The following PCDH15 variants were observed in gnomAD, a reference collection of about 807,000 sequenced individuals.
The protein encoded by PCDH15 is protocadherin-15.
PCDH15 carries 129 observed loss-of-function variants against 178.5 expected under a neutral mutation model. The ratio of observed to expected loss-of-function variants is 0.72; its 90% confidence interval spans 0.63 to 0.84. PCDH15 has a LOEUF of 0.84. Ranked by LOEUF, PCDH15 falls within the 40% of genes least tolerant of loss-of-function variation. PCDH15 has a pLI of 0.00. For missense variants in PCDH15, 2,230 were observed against 2,099.9 expected, an observed-to-expected ratio of 1.06 and a Z score of -1.21; for synonymous variants, 800 against 732.0, an observed-to-expected ratio of 1.09 and a Z score of -1.50.
At chr10:53,835,880 T>C (rs796976816) in intron 29 of PCDH15, among the ~76,000 whole-genome samples, 2 of 152,278 alleles carry the variant, frequency 1.3e-5, no homozygotes, top group African/African-American at 4.8e-5. Flanking sequence ...GTAAGATAGA[T>C]TGGGGGACAA....
At chr10:55,280,444 ATTTTTTTT>A (rs1170034467) in intron 1 of PCDH15, among the ~76,000 whole-genome samples, 4 of 92,082 alleles carry the variant, frequency 4.3e-5, no homozygotes, top group Non-Finnish European at 6.5e-5. Context: ...GCACCCAGCT[ATTTTTTTT>A]TTTTTTTTTT....
intron 8 of PCDH15, among the ~76,000 whole-genome samples, chr10:54,306,463 T>C (rs1044123540): frequency 6.6e-6 from 1 of 151,924 alleles, no homozygotes; most frequent in Non-Finnish European, 1.5e-5. Context: ...TAGGGAGGAA[T>C]TGTCATAGTT....
rs71492621 is a variant in PCDH15, at chr10:54,565,174, T to A, written c.92-37297A>T. On this transcript the variant is annotated intron_variant, in intron 2 of 37. Coordinates refer to ENST00000644397, the MANE Select transcript of PCDH15 (RefSeq NM_001384140.1). ...CTTCCATGTTCCTACAAGGAGAAAA[T>A]GTACCACCTAATATTCAAACATTCC... 7.8e-3 allele frequency among the ~76,000 whole-genome samples: 1,190 copies of A among 152,318 alleles called. 4 individuals are homozygous for A. The highest frequency in any genetic ancestry group is 0.012 in the Non-Finnish European group (800 of 68,030).
intron 2 of PCDH15, among the ~76,000 whole-genome samples, chr10:54,551,726 A>C (rs1465134290): frequency 6.6e-6 from 1 of 152,028 alleles, no homozygotes; most frequent in African/African-American, 2.4e-5. Flanking sequence ...TTTTAAAAGA[A>C]CTTTCATCTC....
At position 54,200,269 on chromosome 10, in the gene PCDH15, CT is replaced by C. The variant is rs11377394; in HGVS notation, c.1099-4381del. Among the ~76,000 whole-genome samples, 165 of 106,074 alleles carry C rather than the reference CT, an allele frequency of 1.6e-3. 1 individual carries two copies. Among genetic ancestry groups the C allele is most frequent in the African/African-American group, 5.1e-3 (140 of 27,464 alleles). 69.6% of individuals were successfully genotyped at this position (106,074 alleles called of 152,430 possible). A position where few individuals can be genotyped will look rare whatever the true frequency, so the allele number is the denominator to read the frequency against. On this transcript the variant is annotated intron_variant, in intron 10 of 37. Coordinates refer to ENST00000644397, the MANE Select transcript of PCDH15 (RefSeq NM_001384140.1). Reference sequence around the variant, plus strand: ...ATTTATTGTGCATCTACAGAGCCCACTTTTTTTTTTTTTTTTTTTTTGTATT... The same window carrying C: ...ATTTATTGTGCATCTACAGAGCCCACTTTTTTTTTTTTTTTTTTTTGTATT...
intron 14 of PCDH15, among the ~76,000 whole-genome samples, chr10:54,150,179 C>G (rs1292162427): frequency 2.0e-5 from 3 of 151,914 alleles, no homozygotes; most frequent in Non-Finnish European, 2.9e-5. Flanking sequence ...TATCATCTGT[C>G]GATGACAGCA....
intron 2 of PCDH15, among the ~76,000 whole-genome samples, chr10:54,615,108 A>G (rs1328934395): frequency 6.6e-6 from 1 of 152,070 alleles, no homozygotes; most frequent in Non-Finnish European, 1.5e-5. Flanking sequence ...AAGTACGCTG[A>G]AAGGTAGCTA....
intron 2 of PCDH15, among the ~76,000 whole-genome samples, chr10:55,140,387 TC>T: frequency 6.6e-6 from 1 of 152,030 alleles, no homozygotes; most frequent in South Asian, 2.1e-4. Context: ...TGGCCAAGGG[TC>T]CCGATTAAGC....
chr10:53,997,199 T>G (rs1420310599), intron 20 of PCDH15, among the ~76,000 whole-genome samples: 1 of 152,188 alleles, frequency 6.6e-6, no homozygotes, highest in Admixed American at 6.5e-5. Flanking sequence ...CCATCTCTTC[T>G]ATGAAAAATA....
chr10:55,489,831 T>A (rs2132126872), intron 2 of PCDH15, among the ~76,000 whole-genome samples: 1 of 151,756 alleles, frequency 6.6e-6, no homozygotes, highest in South Asian at 2.1e-4. Flanking sequence ...TAAACAATTT[T>A]AAAAAACCAA....
intron 3 of PCDH15, among the ~76,000 whole-genome samples, chr10:54,448,100 A>C (rs561713973): frequency 7.2e-5 from 11 of 151,866 alleles, no homozygotes; most frequent in African/African-American, 2.2e-4. Context: ...CTTTAAAAAT[A>C]CTGCTTTGCT....
intron 13 of PCDH15, among the ~76,000 whole-genome samples, chr10:54,164,152 A>G (rs546658280): frequency 6.6e-5 from 10 of 152,332 alleles, no homozygotes; most frequent in African/African-American, 2.4e-4. Context: ...CTATCAGACC[A>G]GATGCAGAAT....
chr10:54,080,996 CATTTT>C (rs796173783), intron 16 of PCDH15, among the ~76,000 whole-genome samples: 1 of 152,242 alleles, frequency 6.6e-6, no homozygotes, highest in East Asian at 1.9e-4. Flanking sequence ...TTACCATTTT[CATTTT>C]GTTTCTTCCC....
intron 1 of PCDH15, among the ~76,000 whole-genome samples, chr10:55,219,880 T>TCACACACACA (rs71461286): frequency 3.7e-4 from 54 of 144,136 alleles, no homozygotes; most frequent in Middle Eastern, 3.6e-3. Flanking sequence ...CTGATATCAG[T>TCACACACACA]CACACACACA....
rs146069516 is a variant in PCDH15, at chr10:55,266,511, G to C, written c.-156+53088C>G. Among the ~76,000 whole-genome samples, 304 of 152,276 alleles carry C rather than the reference G, an allele frequency of 2.0e-3. 1 individual carries two copies. The highest frequency in any genetic ancestry group is 7.0e-3 in the African/African-American group (289 of 41,542). On this transcript the variant is annotated intron_variant, in intron 1 of 5. Transcript: ENST00000458638. ...GCCTGTGCCCATGGACCTAGGTGAGGACAGGCATTTCTGTTTTTGTTCCTA... is the reference window on the plus strand; with the variant it reads ...GCCTGTGCCCATGGACCTAGGTGAGCACAGGCATTTCTGTTTTTGTTCCTA...
chr10:53,986,863 T>G (rs1175465391), intron 21 of PCDH15, among the ~76,000 whole-genome samples: 1 of 152,180 alleles, frequency 6.6e-6, no homozygotes, highest in Non-Finnish European at 1.5e-5. Context: ...GTTTTAATTG[T>G]GCTATTTTTG....
intron 1 of PCDH15, among the ~76,000 whole-genome samples, chr10:55,313,209 T>C (rs1843634224): frequency 6.6e-6 from 1 of 152,044 alleles, no homozygotes. Context: ...GGAGAAGATA[T>C]TGAAAAAAAA....
At chr10:55,578,799 G>C (rs1263714629) in intron 2 of PCDH15, among the ~76,000 whole-genome samples, 1 of 152,130 alleles carries the variant, frequency 6.6e-6, no homozygotes, top group East Asian at 1.9e-4. Context: ...AGGCAAAAAA[G>C]ATAGTGTGCA....
At position 54,518,444 on chromosome 10, in the gene PCDH15, TA is replaced by T. The variant is rs1476187502; in HGVS notation, c.157+9367del. ...AATACTACAAACACCTCTACGCAAA[TA>T]AACTGGAAAATCTAGAAGAAATGGA... On this transcript the variant is annotated intron_variant, in intron 3 of 37. Transcript: ENST00000644397. 4.0e-5 allele frequency among the ~76,000 whole-genome samples: 6 copies of T among 151,822 alleles called. No individual in the cohort carries two copies. In the East Asian group the frequency reaches 1.2e-3, roughly 29 times the overall value.
Sources: gnomAD v4.1 joint callset for allele counts (sites outside exome capture counted in the v4.1 genomes callset) on GRCh38, gnomAD v4.1.1 for gene constraint, MANE v1.5 for transcripts, NCBI Gene and HGNC (gene_info 2026-07-23, HGNC 2026-07-21) for gene names.